PLCXD3: variants seen among roughly 807,000 people sequenced by gnomAD.
PLCXD3 encodes phosphatidylinositol specific phospholipase C X domain containing 3.
A neutral mutation model predicts 25.5 loss-of-function variants in PLCXD3; 19 were observed. The ratio of observed to expected loss-of-function variants is 0.75; its 90% CI spans 0.52 to 1.09. The LOEUF is 1.09. Ranked by LOEUF, PLCXD3 falls within the 50% of genes least tolerant of loss-of-function variation. The pLI is 0.00. For missense variants in PLCXD3, 411 were observed against 388.1 expected (o/e 1.06, Z -0.50); for synonymous variants, 174 against 137.6 (o/e 1.26, Z -1.85).
At chr5:41,478,525 A>C (rs1011375622) in intron 1 of PLCXD3, among the ~76,000 whole-genome samples, 8 of 152,232 alleles carry the variant, frequency 5.3e-5, no homozygotes, top group Admixed American at 1.3e-4. Context: ...AAGGCCTTTC[A>C]GTGATTAAAA....
At chr5:41,500,209 T>C (rs1043769896) in intron 1 of PLCXD3, among the ~76,000 whole-genome samples, 18 of 152,030 alleles carry the variant, frequency 1.2e-4, no homozygotes, top group African/African-American at 4.1e-4. Flanking sequence ...AAATGTGGCA[T>C]GTATACACAA....
intron 1 of PLCXD3, among the ~76,000 whole-genome samples, chr5:41,456,828 G>A (rs367747078): frequency 2.5e-4 from 38 of 151,974 alleles, no homozygotes; most frequent in African/African-American, 9.2e-4. Flanking sequence ...AAATCTGCCA[G>A]CACCTTGATC....
intron 1 of PLCXD3, among the ~76,000 whole-genome samples, chr5:41,401,823 T>G (rs1363355151): frequency 6.6e-6 from 1 of 152,064 alleles, no homozygotes; most frequent in Non-Finnish European, 1.5e-5. Flanking sequence ...AACTAACTTT[T>G]GGTAATAGTT....
chr5:41,468,757 A>G lies in PLCXD3; in HGVS notation c.103+41667T>C, dbSNP rs1748082492. 1.3e-5 allele frequency among the ~76,000 whole-genome samples: 2 copies of G among 152,140 alleles called. 1 individual carries two copies. Among genetic ancestry groups the G allele is most frequent in the Admixed American group, 1.3e-4 (2 of 15,268 alleles). ...TTTACTGATTTCATTTACCAGTTCT[A>G]ACAGTTTTGTGATAGAGTCTTTAGG... On this transcript the variant is annotated intron_variant, in intron 1 of 2. Coordinates refer to ENST00000377801, the MANE Select transcript of PLCXD3 (RefSeq NM_001005473.3).
chr5:41,331,825 A>G (rs533301382), intron 2 of PLCXD3, among the ~76,000 whole-genome samples: 3 of 152,184 alleles, frequency 2.0e-5, no homozygotes, highest in South Asian at 2.1e-4. Flanking sequence ...CAAACCTGAG[A>G]AAAAAAAGCA....
At position 41,472,898 on chromosome 5, in the gene PLCXD3, A is replaced by AT. The variant is rs936045446; in HGVS notation, c.103+37525dup. Among the ~76,000 whole-genome samples the AT allele has an allele frequency of 8.6e-5, 13 of 151,386 alleles. No homozygotes were observed. The South Asian group carries it at 1.3e-3, about 15-fold the overall frequency. On this transcript the variant is annotated intron_variant, in intron 1 of 2. Transcript: ENST00000377801. Reference sequence around the variant, plus strand: ...ACTGTTTTACCTCATATAAGGAACAATTTTTTTTTGCTTTTTCTAGAGAAC... The same window carrying AT: ...ACTGTTTTACCTCATATAAGGAACAATTTTTTTTTTGCTTTTTCTAGAGAAC...
At chr5:41,456,237 C>A (rs1747750272) in intron 1 of PLCXD3, among the ~76,000 whole-genome samples, 1 of 151,896 alleles carries the variant, frequency 6.6e-6, no homozygotes, top group Non-Finnish European at 1.5e-5. Flanking sequence ...TTATTACCCT[C>A]AAGAATTCTG....
intron 2 of PLCXD3, among the ~76,000 whole-genome samples, chr5:41,377,099 C>T (rs756436058): frequency 2.6e-5 from 4 of 152,130 alleles, no homozygotes; most frequent in East Asian, 1.9e-4. Context: ...TGTGAATAAA[C>T]GGATAGATAG....
At chr5:41,439,063 G>C (rs1747320672) in intron 1 of PLCXD3, among the ~76,000 whole-genome samples, 1 of 152,158 alleles carries the variant, frequency 6.6e-6, no homozygotes, top group South Asian at 2.1e-4. Flanking sequence ...GTTTACGGTG[G>C]AGCTCACGGA....
At chr5:41,427,661 G>A (rs1159959921) in intron 1 of PLCXD3, among the ~76,000 whole-genome samples, 1 of 152,004 alleles carries the variant, frequency 6.6e-6, no homozygotes, top group African/African-American at 2.4e-5. Flanking sequence ...TTTTTGCTGG[G>A]AGGTCATTTT....
intron 1 of PLCXD3, among the ~76,000 whole-genome samples, chr5:41,384,525 G>A (rs926446184): frequency 1.3e-5 from 2 of 151,974 alleles, no homozygotes; most frequent in Admixed American, 6.6e-5. Context: ...GTAGATGAAA[G>A]TAATTGGTTA....
chr5:41,488,866 C>T (rs371171556), intron 1 of PLCXD3, among the ~76,000 whole-genome samples: 18 of 149,998 alleles, frequency 1.2e-4, no homozygotes, highest in East Asian at 1.2e-3. Context: ...AAATTTTCTC[C>T]CATTTTGTAG....
intron 1 of PLCXD3, among the ~76,000 whole-genome samples, chr5:41,484,012 T>C (rs2150523559): frequency 6.6e-6 from 1 of 152,222 alleles, no homozygotes; most frequent in Non-Finnish European, 1.5e-5. Context: ...CAATTATTGA[T>C]CTCACCTTCT....
chr5:41,401,669 A>G (rs1746190733), intron 1 of PLCXD3, among the ~76,000 whole-genome samples: 1 of 152,008 alleles, frequency 6.6e-6, no homozygotes, highest in Non-Finnish European at 1.5e-5. Flanking sequence ...TGATTTTCTA[A>G]AAGAGTTTGT....
At chr5:41,333,352 A>G (rs780861631) in intron 2 of PLCXD3, among the ~76,000 whole-genome samples, 4 of 152,140 alleles carry the variant, frequency 2.6e-5, no homozygotes, top group Admixed American at 2.0e-4. Flanking sequence ...AAGTTTAGAA[A>G]TTTCACTTGA....
intron 2 of PLCXD3, among the ~76,000 whole-genome samples, chr5:41,361,429 A>G (rs988635221): frequency 6.6e-6 from 1 of 152,230 alleles, no homozygotes; most frequent in African/African-American, 2.4e-5. Flanking sequence ...GGATTGTCTC[A>G]GCTTTCCTGG....
intron 1 of PLCXD3, among the ~76,000 whole-genome samples, chr5:41,423,927 CAT>C (rs1213542172): frequency 6.6e-6 from 1 of 152,216 alleles, no homozygotes; most frequent in African/African-American, 2.4e-5. Flanking sequence ...CATCACCTCA[CAT>C]AGTTACCATT....
intron 2 of PLCXD3, among the ~76,000 whole-genome samples, chr5:41,340,364 G>A (rs1744105016): frequency 6.6e-6 from 1 of 152,138 alleles, no homozygotes; most frequent in Non-Finnish European, 1.5e-5. Context: ...AAATATATTA[G>A]TTTCATCAAT....
chr5:41,393,816 G>A (rs1371732700), intron 1 of PLCXD3, among the ~76,000 whole-genome samples: 2 of 152,094 alleles, frequency 1.3e-5, no homozygotes, highest in African/African-American at 2.4e-5. Context: ...TGTAGTCCCA[G>A]CTACTTAGGA....
Sources: gnomAD v4.1 joint callset for allele counts (sites outside exome capture counted in the v4.1 genomes callset) on GRCh38, gnomAD v4.1.1 for gene constraint, MANE v1.5 for transcripts, NCBI Gene and HGNC (gene_info 2026-07-23, HGNC 2026-07-21) for gene names.